Variants in RELN observed in about 807,000 individuals in gnomAD.
RELN encodes the protein reelin.
RELN carries 108 observed loss-of-function variants against 427.6 expected under a neutral mutation model. That is an observed-to-expected ratio of 0.25 (90% confidence interval 0.22 to 0.30). RELN has a LOEUF of 0.30. Among genes scored for constraint, RELN ranks in the 10% least tolerant of loss-of-function variants. RELN has a pLI of 1.00. For missense variants in RELN, 3,715 were observed against 4,302.8 expected (o/e 0.86, Z 3.82); for synonymous variants, 1,524 against 1,513.4 (o/e 1.01, Z -0.16).
chr7:103,556,727 G>A lies in RELN; in HGVS notation c.5797+250C>T, dbSNP rs566843416. Among the ~76,000 whole-genome samples, 56 of 152,246 alleles carry A rather than the reference G, an allele frequency of 3.7e-4. 1 individual carries two copies. Among genetic ancestry groups the A allele is most frequent in the Non-Finnish European group, 6.5e-4 (44 of 68,014 alleles). ...AGACATGCCTTTTGCCTCCCGCCACGATTCTGAGGCCTCCCTGGCCATGTG... is the reference window on the plus strand; with the variant it reads ...AGACATGCCTTTTGCCTCCCGCCACAATTCTGAGGCCTCCCTGGCCATGTG... On this transcript the variant is annotated intron_variant, in intron 38 of 64. Coordinates refer to ENST00000428762, the MANE Select transcript of RELN (RefSeq NM_005045.4).
chr7:103,777,776 G>A (rs923120195), intron 3 of RELN, among the ~76,000 whole-genome samples: 3 of 151,978 alleles, frequency 2.0e-5, no homozygotes, highest in East Asian at 1.9e-4. Context: ...GTCAGTCCCC[G>A]TGGACCCAAG....
At chr7:103,965,441 GAC>G (rs1796641746) in intron 1 of RELN, among the ~76,000 whole-genome samples, 1 of 152,118 alleles carries the variant, frequency 6.6e-6, no homozygotes, top group Non-Finnish European at 1.5e-5. Flanking sequence ...CTTTTAAAAT[GAC>G]AGTTTAAATA....
At chr7:103,618,482 T>C (rs1832135514) in intron 20 of RELN, among the ~76,000 whole-genome samples, 1 of 152,244 alleles carries the variant, frequency 6.6e-6, no homozygotes, top group African/African-American at 2.4e-5. Context: ...AATGTCTTTA[T>C]GGATTTCTAA....
intron 10 of RELN, among the ~76,000 whole-genome samples, chr7:103,688,405 TG>T (rs1833806183): frequency 1.3e-5 from 2 of 152,216 alleles, no homozygotes; most frequent in South Asian, 2.1e-4. Flanking sequence ...AACCATCAAG[TG>T]AACTGCTGAA....
chr7:103,655,108 A>T (rs1832998944), intron 12 of RELN, among the ~76,000 whole-genome samples: 1 of 152,032 alleles, frequency 6.6e-6, no homozygotes, highest in Non-Finnish European at 1.5e-5. Context: ...CACCACGCCT[A>T]GTCCCAGTCA....
Position 103,811,851 on chromosome 7 carries a change from A to G in RELN, c.473+21686T>C, listed in dbSNP as rs377222981. On this transcript the variant is annotated intron_variant, in intron 3 of 64. Transcript: ENST00000428762. ...CATCCTTTCATCCAGAAGTAAATAC[A>G]TGTCAGGTATTAAATCCAATGCAAC... is the stretch of plus-strand genomic sequence containing the variant. 7.2e-5 allele frequency among the ~76,000 whole-genome samples: 11 copies of G among 152,338 alleles called. No individual in the cohort carries two copies. In the East Asian group the frequency reaches 9.6e-4, roughly 13 times the overall value.
At chr7:103,861,591 A>G (rs1794073005) in intron 2 of RELN, among the ~76,000 whole-genome samples, 1 of 152,208 alleles carries the variant, frequency 6.6e-6, no homozygotes, top group Admixed American at 6.5e-5. Flanking sequence ...ACCTGTTTAC[A>G]TTCCAAAGCA....
rs533129039 is a variant in RELN at position 103,943,938 on chromosome 7, A to G, written c.227-26753T>C. ...GTTCCCTTAAAATTTAGAGTCCTTT[A>G]TGGATGCCAAGATAATGTTGAACCT... On this transcript the variant is annotated intron_variant, in intron 1 of 64. Coordinates refer to ENST00000428762, the MANE Select transcript of RELN (RefSeq NM_005045.4). 2.5e-3 allele frequency among the ~76,000 whole-genome samples: 377 copies of G among 150,698 alleles called. 4 individuals carry two copies. Among genetic ancestry groups the G allele is most frequent in the African/African-American group, 8.9e-3 (366 of 41,074 alleles).
intron 3 of RELN, among the ~76,000 whole-genome samples, chr7:103,795,319 T>C (rs1792274649): frequency 1.3e-5 from 2 of 152,228 alleles, no homozygotes; most frequent in Admixed American, 1.3e-4. Flanking sequence ...TTTACTGTGT[T>C]GACTAACACA....
chr7:103,621,785 G>A (rs1562927090), intron 20 of RELN, among the ~76,000 whole-genome samples: 1 of 152,218 alleles, frequency 6.6e-6, no homozygotes, highest in Non-Finnish European at 1.5e-5. Context: ...GGAGGCAGAG[G>A]CAGGTGGATC....
intron 22 of RELN, among the ~76,000 whole-genome samples, chr7:103,608,477 C>T (rs1831870584): frequency 6.6e-6 from 1 of 151,730 alleles, no homozygotes. Flanking sequence ...GTTACATATA[C>T]TTAAAGGTAA....
intron 3 of RELN, among the ~76,000 whole-genome samples, chr7:103,792,572 G>A (rs1275667450): frequency 1.4e-5 from 2 of 147,730 alleles, no homozygotes; most frequent in East Asian, 2.0e-4. Flanking sequence ...ATGGGGGGAT[G>A]GGGGGATGGG....
chr7:103,948,660 G>A (rs1796268029), intron 1 of RELN, among the ~76,000 whole-genome samples: 1 of 151,930 alleles, frequency 6.6e-6, no homozygotes, highest in South Asian at 2.1e-4. Context: ...CAACAGAGTG[G>A]GACTCCATCT....
intron 1 of RELN, among the ~76,000 whole-genome samples, chr7:103,982,362 G>C (rs1797008282): frequency 6.6e-6 from 1 of 152,074 alleles, no homozygotes; most frequent in African/African-American, 2.4e-5. Flanking sequence ...TTCTATGGGA[G>C]GACCACAGCA....
chr7:103,487,869 C>T (rs187346975), intron 60 of RELN, among the ~76,000 whole-genome samples: 3 of 152,210 alleles, frequency 2.0e-5, no homozygotes, highest in East Asian at 3.9e-4. Context: ...ATGGGTGGGG[C>T]GTGGTGGCTC....
chr7:103,746,137 G>A (rs1471262280), intron 6 of RELN, among the ~76,000 whole-genome samples: 1 of 152,018 alleles, frequency 6.6e-6, no homozygotes, highest in Non-Finnish European at 1.5e-5. Flanking sequence ...TCTGATCTTT[G>A]ACAAACCTGA....
intron 1 of RELN, among the ~76,000 whole-genome samples, chr7:103,951,767 G>A (rs1018205157): frequency 6.6e-6 from 1 of 151,952 alleles, no homozygotes; most frequent in Non-Finnish European, 1.5e-5. Context: ...CCACCTCCCA[G>A]GTTCAAGCAA....
intron 2 of RELN, among the ~76,000 whole-genome samples, chr7:103,837,007 C>T (rs1166760694): frequency 2.0e-5 from 3 of 152,028 alleles, no homozygotes; most frequent in Non-Finnish European, 4.4e-5. Context: ...ACTCCTCAAT[C>T]CCCAAGATTT....
At chr7:103,972,064 C>A (rs1796774714) in intron 1 of RELN, among the ~76,000 whole-genome samples, 1 of 152,026 alleles carries the variant, frequency 6.6e-6, no homozygotes, top group Non-Finnish European at 1.5e-5. Flanking sequence ...CAGAGCGAGA[C>A]CCTCTCTCAA....
Sources: gnomAD v4.1 joint callset for allele counts (sites outside exome capture counted in the v4.1 genomes callset) on GRCh38, gnomAD v4.1.1 for gene constraint, MANE v1.5 for transcripts, NCBI Gene and HGNC (gene_info 2026-07-23, HGNC 2026-07-21) for gene names.